The following TMEM17 variants were observed in gnomAD, a reference collection of about 807,000 sequenced individuals.
TMEM17 encodes transmembrane protein 17.
In TMEM17, 15 loss-of-function variants were observed where a neutral mutation model predicts 19.1. The ratio of observed to expected loss-of-function variants is 0.78; its 90% CI spans 0.52 to 1.21. The LOEUF is 1.21. Among genes scored for constraint, TMEM17 ranks in the 50% most tolerant of loss-of-function variants. The pLI is 0.00. For synonymous variants in TMEM17, 103 were observed against 86.9 expected (o/e 1.19, Z -1.03); for missense variants, 245 against 242.3 (o/e 1.01, Z -0.07).
At chr2:62,502,398 T>C in intron 3 of TMEM17, 39 bp downstream of exon 3, 1 of 1,389,756 alleles carries the variant, frequency 7.2e-7, no homozygotes, top group Non-Finnish European at 1.0e-6. Context: ...ACTGATTTCA[T>C]TTATATCTAT....
At chr2:62,505,910 T>A (rs1230276258) in intron 1 of TMEM17, 120 bp downstream of exon 1, 16 of 1,006,506 alleles carry the variant, frequency 1.6e-5, no homozygotes, top group Non-Finnish European at 2.2e-5. Flanking sequence ...TCTCCCGCAC[T>A]GCGGAGAACT....
At chr2:62,474,864 T>C in the TMEM17 span, among the ~76,000 whole-genome samples, 1 of 152,128 alleles carries the variant, frequency 6.6e-6, no homozygotes, top group African/African-American at 2.4e-5. Context: ...CCCCTGCAAA[T>C]AGGCTTTTGA....
the TMEM17 span, among the ~76,000 whole-genome samples, chr2:62,457,047 C>A: frequency 3.3e-5 from 5 of 152,222 alleles, no homozygotes; most frequent in Admixed American, 3.3e-4. The surrounding 1 kb of genome is among the most constrained non-coding windows in gnomAD (Gnocchi z 4.2). Context: ...GGGCGGGCAC[C>A]GCTTCCCGGT....
chr2:62,479,889 C>CAAAA, the TMEM17 span, among the ~76,000 whole-genome samples: 22 of 68,874 alleles, frequency 3.2e-4, no homozygotes, highest in African/African-American at 7.8e-4. Flanking sequence ...AGACCTGTCT[C>CAAAA]AAAAAAAAAA....
chr2:62,462,960 TC>T, the TMEM17 span, among the ~76,000 whole-genome samples: 47 of 152,194 alleles, frequency 3.1e-4, no homozygotes, highest in African/African-American at 1.1e-3. Flanking sequence ...CCCACCTCTT[TC>T]CTTGTGACCT....
At chr2:62,464,313 G>A in the TMEM17 span, among the ~76,000 whole-genome samples, 1 of 152,218 alleles carries the variant, frequency 6.6e-6, no homozygotes, top group African/African-American at 2.4e-5. Context: ...CCATCTGGAT[G>A]CTGCTGCAGG....
At chr2:62,464,786 T>C in the TMEM17 span, among the ~76,000 whole-genome samples, 2 of 152,146 alleles carry the variant, frequency 1.3e-5, no homozygotes, top group Non-Finnish European at 2.9e-5. Context: ...GAGTGTTAAT[T>C]GGTTGGGCCA....
At chr2:62,492,907 G>T in the TMEM17 span, among the ~76,000 whole-genome samples, 2 of 152,218 alleles carry the variant, frequency 1.3e-5, no homozygotes, top group Admixed American at 6.5e-5. Flanking sequence ...AATGGTGCAT[G>T]GGAAGAACTG....
At position 62,501,146 on chromosome 2, in the gene TMEM17, A is replaced by T; in HGVS notation, c.*63T>A. The T allele has an allele frequency of 1.3e-6, 2 of 1,537,526 alleles. No individual in the cohort carries two copies. The highest frequency in any genetic ancestry group is 1.8e-6 in the Non-Finnish European group (2 of 1,137,092). Reference sequence around the variant, plus strand: ...CTTTGTCCCTTTTCTCAGAGCTCTGATATTTTCCTAACTCTTACAGTCTCT... The same window carrying T: ...CTTTGTCCCTTTTCTCAGAGCTCTGTTATTTTCCTAACTCTTACAGTCTCT... On this transcript the variant is annotated 3_prime_UTR_variant, in exon 4 of 4. Coordinates refer to ENST00000335390, the MANE Select transcript of TMEM17 (RefSeq NM_198276.3).
In TMEM17 at chr2:62,506,114, G is replaced by C. The variant is rs766616731; in HGVS notation, c.16C>G (p.Pro6Ala). Reference sequence around the variant, plus strand: ...AAGTTTCCCAGCCGCTGGCGCACCGGATCCGGCAGCTCCATGCCTGGGCCT... The same window carrying C: ...AAGTTTCCCAGCCGCTGGCGCACCGCATCCGGCAGCTCCATGCCTGGGCCT... MELPD[P>A]VRQRLGNFSR... Residue 6 changes from proline (P) to alanine (A), a missense_variant, in exon 1 of 4, where the codon CCG becomes GCG. Pro to Ala is a conservative substitution (Grantham distance 27, BLOSUM62 -1). Transcript: ENST00000335390. 6.2e-7 allele frequency: 1 copy of C among 1,610,740 alleles called. No individual in the cohort carries two copies. The highest frequency in any genetic ancestry group is 8.5e-7 in the Non-Finnish European group (1 of 1,178,812).
chr2:62,490,187 A>C, the TMEM17 span, among the ~76,000 whole-genome samples: 3 of 152,138 alleles, frequency 2.0e-5, no homozygotes, highest in Non-Finnish European at 4.4e-5. Context: ...AAAGAAAGAA[A>C]AATAATCAAT....
the TMEM17 span, among the ~76,000 whole-genome samples, chr2:62,454,668 TAAAAC>T: frequency 1.3e-5 from 2 of 152,188 alleles, no homozygotes; most frequent in South Asian, 2.1e-4. Context: ...TTGCCTTTAA[TAAAAC>T]AAAAAACCCA....
the TMEM17 span, among the ~76,000 whole-genome samples, chr2:62,491,993 G>A: frequency 1.3e-5 from 2 of 150,596 alleles, no homozygotes; most frequent in Non-Finnish European, 3.0e-5. Context: ...CCTTTCTATA[G>A]GTAAACGTAT....
chr2:62,477,235 A>G, the TMEM17 span, among the ~76,000 whole-genome samples: 2 of 152,126 alleles, frequency 1.3e-5, no homozygotes, highest in Non-Finnish European at 2.9e-5. Context: ...CATCTCTACT[A>G]AAAATACAAA....
chr2:62,467,047 C>T, the TMEM17 span, among the ~76,000 whole-genome samples: 2 of 152,006 alleles, frequency 1.3e-5, no homozygotes, highest in Non-Finnish European at 2.9e-5. Context: ...CCAGGTGAGA[C>T]CCAGGAATCA....
the TMEM17 span, among the ~76,000 whole-genome samples, chr2:62,454,898 G>T: frequency 6.6e-6 from 1 of 152,106 alleles, no homozygotes; most frequent in Admixed American, 6.6e-5. Flanking sequence ...TGGAGACAGG[G>T]TTTCACTGTG....
chr2:62,485,225 C>T, the TMEM17 span, among the ~76,000 whole-genome samples: 2 of 152,234 alleles, frequency 1.3e-5, no homozygotes, highest in Non-Finnish European at 2.9e-5. Flanking sequence ...TAGGCATAAG[C>T]TACCACGCCC....
chr2:62,464,182 C>G, the TMEM17 span: 1 of 152,258 alleles, frequency 6.6e-6, no homozygotes, highest in African/African-American at 2.4e-5. Flanking sequence ...TGGTGGAGGG[C>G]AGCTGCCCCA....
the TMEM17 span, among the ~76,000 whole-genome samples, chr2:62,477,070 T>C: frequency 6.6e-6 from 1 of 152,094 alleles, no homozygotes; most frequent in East Asian, 1.9e-4. Flanking sequence ...ATTGAGGCCA[T>C]TGCCGAGCAA....
Sources: gnomAD v4.1 joint callset for allele counts (sites outside exome capture counted in the v4.1 genomes callset) on GRCh38, gnomAD v4.1.1 for gene constraint, Gnocchi (gnomAD v3.1) non-coding constraint, MANE v1.5 for transcripts, NCBI Gene and HGNC (gene_info 2026-07-23, HGNC 2026-07-21) for gene names.